Variants in SLC46A2 observed in about 807,000 individuals in gnomAD.
SLC46A2 encodes thymic stromal co-transporter.
Under a neutral mutation model 33.1 loss-of-function variants are expected in SLC46A2, and 25 were observed. The ratio of observed to expected loss-of-function variants is 0.76; its 90% CI spans 0.55 to 1.06. SLC46A2 has a LOEUF of 1.06. Ranked by LOEUF, SLC46A2 falls within the 50% of genes least tolerant of loss-of-function variation. The pLI is 0.00. For missense variants in SLC46A2, 622 were observed against 621.7 expected, an observed-to-expected ratio of 1.00 and a Z score of 0.00; for synonymous variants, 254 against 275.9, an observed-to-expected ratio of 0.92 and a Z score of 0.79.
At chr9:112,889,145 G>A (rs60824158) in intron 1 of SLC46A2, among the ~76,000 whole-genome samples, 12,494 of 152,002 alleles carry the variant, frequency 0.082, 535 homozygotes, top group Non-Finnish European at 0.094. Context: ...CCCACCTCCC[G>A]CCCAAAGTGC....
intron 1 of SLC46A2, among the ~76,000 whole-genome samples, chr9:112,888,044 G>C (rs748857700): frequency 6.6e-4 from 100 of 152,200 alleles, no homozygotes; most frequent in Non-Finnish European, 2.4e-4. Context: ...CTGGGAGGCC[G>C]AGGCGGGTGG....
chr9:112,881,965 G>C (rs1841582771), intron 3 of SLC46A2, among the ~76,000 whole-genome samples: 1 of 152,168 alleles, frequency 6.6e-6, no homozygotes, highest in Admixed American at 6.5e-5. Flanking sequence ...ATGGAGAAGG[G>C]AGAAGAGTGG....
intron 1 of SLC46A2, 98 bp from the exon 2 acceptor site, chr9:112,887,511 A>G (rs1841657810): frequency 1.9e-6 from 2 of 1,073,988 alleles, no homozygotes; most frequent in African/African-American, 1.6e-5. Context: ...TCTCCCCACA[A>G]TCCGAATGTG....
At position 112,890,790 on chromosome 9, in the gene SLC46A2, GC is replaced by G. The variant is rs1240489759; in HGVS notation, c.-110del. Reference sequence around the variant, plus strand: ...GGTTTCAGTCCCGGAGCGCGAGTGTGCTCCGTGCGCCGGGAGCGCGAGTGTG... The same window carrying G: ...GGTTTCAGTCCCGGAGCGCGAGTGTGTCCGTGCGCCGGGAGCGCGAGTGTG... On this transcript the variant is annotated 5_prime_UTR_variant, in exon 1 of 4. Transcript: ENST00000374228. The surrounding 1 kb of genome is among the most constrained non-coding windows in gnomAD (Gnocchi z 6.0). 1.8e-5 allele frequency: 14 copies of G among 798,992 alleles called. No individual in the cohort carries two copies. In the Admixed American group the frequency reaches 5.6e-4, roughly 32 times the overall value. The allele number at this position is 798,992 out of a possible 1,614,324, so 49.5% of individuals were successfully genotyped here. A position where few individuals can be genotyped will look rare whatever the true frequency, so the allele number is the denominator to read the frequency against.
intron 3 of SLC46A2, among the ~76,000 whole-genome samples, chr9:112,881,046 A>G (rs1343165907): frequency 2.0e-5 from 3 of 152,220 alleles, no homozygotes; most frequent in Non-Finnish European, 2.9e-5. Context: ...TTGCAAGCAG[A>G]ATTAGCTGCC....
chr9:112,888,386 G>C (rs957387175), intron 1 of SLC46A2, among the ~76,000 whole-genome samples: 2 of 152,214 alleles, frequency 1.3e-5, no homozygotes, highest in Admixed American at 6.5e-5. Flanking sequence ...GAAGTGACCA[G>C]AGGTTACCTT....
At chr9:112,879,857 C>T (rs1029303889) in intron 3 of SLC46A2, 38 bp from the exon 4 acceptor site, 1 of 1,588,822 alleles carries the variant, frequency 6.3e-7, no homozygotes, top group South Asian at 1.1e-5. Context: ...AAGAGAACAG[C>T]TGGAATGGGG....
rs1053989398 is a variant in SLC46A2 at position 112,879,612 on chromosome 9, G to A, written c.*150C>T. The A allele has an allele frequency of 3.1e-6, 2 of 652,480 alleles. No individual in the cohort carries two copies. Among genetic ancestry groups the A allele is most frequent in the Non-Finnish European group, 5.3e-6 (2 of 374,114 alleles). 40.4% of individuals were successfully genotyped at this position (652,480 alleles called of 1,614,324 possible). ...TTCCCCATCCACCAGGGATCCCTGA[G>A]CCAGAGCAGGTCATTCTGAGGCCAA... On this transcript the variant is annotated 3_prime_UTR_variant, in exon 4 of 4. Coordinates refer to ENST00000374228, the MANE Select transcript of SLC46A2 (RefSeq NM_033051.4).
intron 1 of SLC46A2, among the ~76,000 whole-genome samples, chr9:112,888,068 A>G (rs1841668790): frequency 6.6e-6 from 1 of 152,166 alleles, no homozygotes; most frequent in African/African-American, 2.4e-5. Context: ...ATCTGAGGTC[A>G]GGAGTTCGAG....
Position 112,886,610 on chromosome 9 carries a change from A to G in SLC46A2, c.1220T>C (p.Val407Ala). 6.2e-7 allele frequency: 1 copy of G among 1,613,780 alleles called. No individual in the cohort carries two copies. The highest frequency in any genetic ancestry group is 1.1e-5 in the South Asian group (1 of 91,048). The change falls in exon 3 of 4, where the codon GTG (valine) becomes GCG (alanine). Residue 407 changes from valine (V) to alanine (A), a missense_variant. By Grantham distance (64) the Val-to-Ala change is moderately conservative. Transcript: ENST00000374228. The stretch of plus-strand genomic sequence containing the variant: ...CAAGGACAGCTGCAGTATGACGAAC[A>G]CCTTTCCTGTGGAAGGGACAGAGGT... Reference protein sequence around the residue: ...KLIKGSSYGKVFVILQLSLAL... With the variant: ...KLIKGSSYGKAFVILQLSLAL...
Position 112,890,415 on chromosome 9 carries a change from G to T in SLC46A2, c.267C>A (p.Pro89=), listed in dbSNP as rs144319966. Residue 89 remains proline (P), a synonymous_variant, in exon 1 of 4, where the codon CCC becomes CCA. Coordinates refer to ENST00000374228, the MANE Select transcript of SLC46A2 (RefSeq NM_033051.4). This position sits in a 1 kb window ranked among gnomAD's most constrained non-coding sequence, Gnocchi z 6.0. The part of the protein sequence containing the change: ...IIYNLVVGLS[P]LLSAYGLGWL... The stretch of plus-strand genomic sequence containing the variant: ...ATCCCAGCCCGTAGGCGGACAGCAG[G>T]GGGGACAGGCCCACCACAAGGTTGT... The T allele has an allele frequency of 1.2e-6, 2 of 1,614,230 alleles. No individual in the cohort carries two copies. Among genetic ancestry groups the T allele is most frequent in the East Asian group, 2.2e-5 (1 of 44,878 alleles).
At chr9:112,889,431 C>T (rs1361685034) in intron 1 of SLC46A2, 122 bp downstream of exon 1, 1 of 974,412 alleles carries the variant, frequency 1.0e-6, no homozygotes, top group Non-Finnish European at 1.5e-6. Flanking sequence ...CCTTGTGCCT[C>T]CTAGGTAGCA....
Position 112,879,663 on chromosome 9 carries a change from A to G in SLC46A2, c.*99T>C, listed in dbSNP as rs1588148136. The G allele has an allele frequency of 9.0e-7, 1 of 1,107,576 alleles. No homozygotes were observed. Among genetic ancestry groups the G allele is most frequent in the Non-Finnish European group, 1.3e-6 (1 of 745,120 alleles). The allele number at this position is 1,107,576 out of a possible 1,614,324, so 68.6% of individuals were successfully genotyped here. On this transcript the variant is annotated 3_prime_UTR_variant, in exon 4 of 4. Coordinates refer to ENST00000374228, the MANE Select transcript of SLC46A2 (RefSeq NM_033051.4). The stretch of plus-strand genomic sequence containing the variant: ...CTCTGGCTGGAACGCAGGTTTCTTA[A>G]GCAGTGGGTTGCTTAGGTCACCAGT...
intron 3 of SLC46A2, chr9:112,885,428 A>G (rs1321253807): frequency 4.9e-5 from 4 of 81,544 alleles, no homozygotes; most frequent in Admixed American, 1.7e-4. Context: ...GTGTGTGTAT[A>G]TATATATATG....
At chr9:112,887,486 C>T in intron 1 of SLC46A2, 73 bp from the exon 2 acceptor site, 1 of 1,351,816 alleles carries the variant, frequency 7.4e-7, no homozygotes, top group Non-Finnish European at 1.0e-6. Context: ...TCAAAAGCCT[C>T]TCTTAGAACC....
At position 112,890,789 on chromosome 9, in the gene SLC46A2, T is replaced by G. The variant is rs1056874269; in HGVS notation, c.-108A>C. The G allele has an allele frequency of 2.5e-6, 2 of 798,510 alleles. No homozygotes were observed. The highest frequency in any genetic ancestry group is 2.4e-5 in the African/African-American group (1 of 41,664). 49.5% of individuals were successfully genotyped at this position (798,510 alleles called of 1,614,324 possible). On this transcript the variant is annotated 5_prime_UTR_variant, in exon 1 of 4. Transcript: ENST00000374228. This position sits in a 1 kb window ranked among gnomAD's most constrained non-coding sequence, Gnocchi z 6.0. The stretch of plus-strand genomic sequence containing the variant: ...AGGTTTCAGTCCCGGAGCGCGAGTG[T>G]GCTCCGTGCGCCGGGAGCGCGAGTG...
intron 3 of SLC46A2, 60 bp downstream of exon 3, chr9:112,886,400 C>A: frequency 6.3e-7 from 1 of 1,577,838 alleles, no homozygotes; most frequent in Non-Finnish European, 8.7e-7. Flanking sequence ...GAAGGTCCAA[C>A]ATTCCTTGAC....
chr9:112,886,716 TACTC>T lies in SLC46A2; in HGVS notation c.1214-104_1214-101del. The T allele has an allele frequency of 3.2e-6, 4 of 1,246,382 alleles. No individual in the cohort carries two copies. In the Admixed American group the frequency reaches 8.5e-5, roughly 27 times the overall value. 77.2% of individuals were successfully genotyped at this position (1,246,382 alleles called of 1,614,324 possible). ...GAGTTCTTAGGGGACCCTTCCTTCT[TACTC>T]TCTCTCTCTCTCTCTTTTTTTAGAG... On this transcript the variant is annotated intron_variant, in intron 2 of 3. Coordinates refer to ENST00000374228, the MANE Select transcript of SLC46A2 (RefSeq NM_033051.4).
intron 3 of SLC46A2, among the ~76,000 whole-genome samples, chr9:112,881,165 C>T (rs149962128): frequency 4.6e-5 from 7 of 152,302 alleles, no homozygotes; most frequent in Non-Finnish European, 1.0e-4. Context: ...ATCAGTGTGA[C>T]TTAGGCATGT....
Sources: allele counts gnomAD v4.1 joint callset (sites outside exome capture counted in the v4.1 genomes callset), GRCh38; gene constraint gnomAD v4.1.1; non-coding constraint Gnocchi (gnomAD v3.1); transcripts MANE v1.5; gene names NCBI Gene and HGNC (gene_info 2026-07-23, HGNC 2026-07-21).